The following KIAA1549L variants were observed in gnomAD, a reference collection of about 807,000 sequenced individuals.
KIAA1549L encodes UPF0606 protein KIAA1549L.
In KIAA1549L, 88 loss-of-function variants were observed where a neutral mutation model predicts 160.7. The ratio of observed to expected loss-of-function variants is 0.55; its 90% CI spans 0.46 to 0.65. The LOEUF (loss-of-function observed/expected upper bound fraction) is 0.65. Among genes scored for constraint, KIAA1549L ranks in the 30% least tolerant of loss-of-function variants. The pLI, the probability that KIAA1549L is intolerant of heterozygous loss-of-function variation, is 0.00. For missense variants in KIAA1549L, 2,258 were observed against 2,437.5 expected (o/e 0.93, Z 1.55); for synonymous variants, 950 against 976.7 (o/e 0.97, Z 0.51).
intron 7 of KIAA1549L, among the ~76,000 whole-genome samples, chr11:33,560,417 T>G (rs780222196): frequency 2.6e-5 from 4 of 152,346 alleles, no homozygotes; most frequent in Admixed American, 6.5e-5. Flanking sequence ...TTTCTCCCAC[T>G]TAGGCCATCA....
At chr11:33,507,499 C>G (rs1040332512) in intron 1 of KIAA1549L, among the ~76,000 whole-genome samples, 1 of 152,082 alleles carries the variant, frequency 6.6e-6, no homozygotes, top group South Asian at 2.1e-4. Context: ...ATGTTGATGA[C>G]GACAATGGAA....
At chr11:33,389,590 C>T (rs1477224353) in intron 1 of KIAA1549L, among the ~76,000 whole-genome samples, 2 of 152,200 alleles carry the variant, frequency 1.3e-5, no homozygotes, top group Non-Finnish European at 1.5e-5. Flanking sequence ...ATGAATCAAG[C>T]TGGTGAACCC....
At position 33,496,715 on chromosome 11, in the gene KIAA1549L, A is replaced by G. The variant is rs968008642; in HGVS notation, c.239-45087A>G. Among the ~76,000 whole-genome samples the G allele has an allele frequency of 2.6e-5, 4 of 152,262 alleles. No homozygotes were observed. The East Asian group carries it at 7.7e-4, about 29-fold the overall frequency. On this transcript the variant is annotated intron_variant, in intron 1 of 20. Transcript: ENST00000658780. ...TGCCCAGCACTGCAATTTCTGCTCC[A>G]CAGTACAGCCAGAGTATCTTTTAAA...
In KIAA1549L at chr11:33,419,901, CATACATATATATAT is replaced by C. The variant is rs1326711381; in HGVS notation, c.238+43015_238+43028del. Among the ~76,000 whole-genome samples, 417 of 129,658 alleles carry C rather than the reference CATACATATATATAT, an allele frequency of 3.2e-3. 3 individuals carry two copies. The highest frequency in any genetic ancestry group is 5.5e-3 in the South Asian group (23 of 4,200). The allele number at this position is 129,658 out of a possible 152,430, so 85.1% of individuals were successfully genotyped here. ...ACATACATACATACATACATACATA[CATACATATATATAT>C]ATGAATAGCTTTATTTTTTTCAGCA... is the stretch of plus-strand genomic sequence containing the variant. On this transcript the variant is annotated intron_variant, in intron 1 of 20. Coordinates refer to ENST00000658780, the MANE Select transcript of KIAA1549L (RefSeq NM_012194.3).
At chr11:33,550,351 A>T (rs1241496376) in intron 4 of KIAA1549L, among the ~76,000 whole-genome samples, 1 of 151,764 alleles carries the variant, frequency 6.6e-6, no homozygotes, top group African/African-American at 2.4e-5. Flanking sequence ...CAAATTAAAA[A>T]AAAACCCTGA....
chr11:33,562,164 C>T (rs186225617), intron 8 of KIAA1549L, among the ~76,000 whole-genome samples: 3 of 152,300 alleles, frequency 2.0e-5, no homozygotes, highest in Non-Finnish European at 1.5e-5. Context: ...CCAATCCTGG[C>T]AGGTCTTGAC....
intron 1 of KIAA1549L, among the ~76,000 whole-genome samples, chr11:33,439,433 C>A (rs566530689): frequency 1.3e-5 from 2 of 150,374 alleles, no homozygotes; most frequent in Non-Finnish European, 3.0e-5. Context: ...GACTGAGTCT[C>A]GCTCTGTCGC....
chr11:33,455,434 A>G (rs916300180), intron 1 of KIAA1549L, among the ~76,000 whole-genome samples: 2 of 152,212 alleles, frequency 1.3e-5, no homozygotes, highest in Admixed American at 1.3e-4. Context: ...TTAGAAAGTC[A>G]GGGGGAGACA....
chr11:33,624,509 G>A (rs544422728), intron 16 of KIAA1549L, among the ~76,000 whole-genome samples: 276 of 152,246 alleles, frequency 1.8e-3, no homozygotes, highest in Non-Finnish European at 3.2e-3. Context: ...TGAGTGCATT[G>A]GAACCATGGC....
intron 1 of KIAA1549L, among the ~76,000 whole-genome samples, chr11:33,485,034 G>A (rs1852491964): frequency 6.6e-6 from 1 of 152,118 alleles, no homozygotes; most frequent in Admixed American, 6.5e-5. Context: ...TTTGATAGGT[G>A]CACACTGGCC....
intron 10 of KIAA1549L, among the ~76,000 whole-genome samples, chr11:33,579,793 A>G (rs1855573830): frequency 1.3e-5 from 2 of 152,210 alleles, no homozygotes; most frequent in Non-Finnish European, 2.9e-5. Flanking sequence ...ATGGAAGAGG[A>G]AAGCAAGAGG....
chr11:33,578,294 CAA>C (rs371671102), intron 10 of KIAA1549L, among the ~76,000 whole-genome samples: 142 of 152,248 alleles, frequency 9.3e-4, no homozygotes, highest in African/African-American at 2.0e-3. Flanking sequence ...AGCTGTCACT[CAA>C]GAGAGTCGAG....
At chr11:33,532,855 C>CTTA (rs1341119257) in intron 1 of KIAA1549L, among the ~76,000 whole-genome samples, 6 of 152,220 alleles carry the variant, frequency 3.9e-5, no homozygotes, top group Non-Finnish European at 8.8e-5. Context: ...TGCAGCCATG[C>CTTA]TTATACTGAC....
intron 10 of KIAA1549L, among the ~76,000 whole-genome samples, chr11:33,581,397 TTGTGTGTGTGTGTGTGTG>T (rs10579855): frequency 1.3e-5 from 2 of 149,668 alleles, no homozygotes; most frequent in Non-Finnish European, 3.0e-5. Context: ...TTCTGACAAA[TTGTGTGTGTGTGTGTGTG>T]TGTGTGTGTG....
chr11:33,570,202 C>T (rs1590353680), intron 9 of KIAA1549L, among the ~76,000 whole-genome samples: 1 of 152,144 alleles, frequency 6.6e-6, no homozygotes, highest in East Asian at 1.9e-4. Flanking sequence ...TGGGATTTCA[C>T]CATGTTGTTC....
intron 1 of KIAA1549L, among the ~76,000 whole-genome samples, chr11:33,515,575 C>T (rs1853325529): frequency 1.3e-5 from 2 of 152,196 alleles, no homozygotes; most frequent in South Asian, 4.1e-4. Flanking sequence ...GGGTGGTGAG[C>T]AGGAAATCGT....
At chr11:33,383,616 G>A (rs1177496444) in intron 1 of KIAA1549L, among the ~76,000 whole-genome samples, 1 of 152,218 alleles carries the variant, frequency 6.6e-6, no homozygotes, top group East Asian at 1.9e-4. Context: ...AGTGAGAACA[G>A]GCTAGGCCTG....
intron 1 of KIAA1549L, among the ~76,000 whole-genome samples, chr11:33,432,984 G>A (rs1487021542): frequency 6.6e-6 from 1 of 152,152 alleles, no homozygotes; most frequent in Non-Finnish European, 1.5e-5. Context: ...AAAAACCCTA[G>A]AAGAAAACCT....
intron 1 of KIAA1549L, among the ~76,000 whole-genome samples, chr11:33,518,599 AACT>A (rs1406218065): frequency 6.6e-6 from 1 of 152,218 alleles, no homozygotes; most frequent in Admixed American, 6.5e-5. Context: ...TAAACCTAAG[AACT>A]ATGTCATACT....
Sources: gnomAD v4.1 joint callset for allele counts (sites outside exome capture counted in the v4.1 genomes callset) on GRCh38, gnomAD v4.1.1 for gene constraint, MANE v1.5 for transcripts, NCBI Gene and HGNC (gene_info 2026-07-23, HGNC 2026-07-21) for gene names.